The following NCOR2 variants were observed in gnomAD, a reference collection of about 807,000 sequenced individuals.
NCOR2 encodes the protein nuclear receptor corepressor 2.
NCOR2 carries 81 observed loss-of-function variants against 262.9 expected under a neutral mutation model. That is an observed-to-expected ratio of 0.31 (90% CI 0.26 to 0.37). NCOR2 has a LOEUF of 0.37. Among genes scored for constraint, NCOR2 ranks in the 10% least tolerant of loss-of-function variants. NCOR2 has a pLI of 1.00. For missense variants in NCOR2, 3,385 were observed against 3,621.4 expected (o/e 0.93, Z 1.68); for synonymous variants, 1,659 against 1,559.3 (o/e 1.06, Z -1.51).
chr12:124,481,691 G>A lies in NCOR2; in HGVS notation c.411+1905C>T, dbSNP rs141759434. Among the ~76,000 whole-genome samples the A allele has an allele frequency of 3.3e-3, 508 of 152,294 alleles. 1 individual carries two copies. Among genetic ancestry groups the A allele is most frequent in the African/African-American group, 0.01 (431 of 41,548 alleles). On this transcript the variant is annotated intron_variant, in intron 3 of 46. Coordinates refer to ENST00000405201, the Ensembl canonical transcript of NCOR2. This position sits in a 1 kb window ranked among gnomAD's most constrained non-coding sequence, Gnocchi z 4.6. ...AGGGAGATGAGGTCAGGGAGGTGAC[G>A]GGGCTGGATCACGCCGGACCTGCAG...
At chr12:124,325,420 T>C (rs1593051304) in exon 47 of NCOR2, 4 of 587,774 alleles carry the variant, frequency 6.8e-6, no homozygotes, top group Non-Finnish European at 9.1e-6. Context: ...TGTCGGAGAG[T>C]GTCTCGTACT....
At chr12:124,405,677 T>C (rs530647202) in intron 13 of NCOR2, among the ~76,000 whole-genome samples, 4 of 152,258 alleles carry the variant, frequency 2.6e-5, no homozygotes, top group East Asian at 1.9e-4. Context: ...GAGGGACTGA[T>C]TGAGGGCCGC....
At chr12:124,499,246 T>C (rs2048550492), upstream of NCOR2, among the ~76,000 whole-genome samples, 3 of 152,216 alleles carry the variant, frequency 2.0e-5, no homozygotes, top group South Asian at 6.2e-4. Flanking sequence ...TGAGGATGGA[T>C]CCGGGCTGGA....
chr12:124,484,368 C>T (rs1026943734), intron 2 of NCOR2, among the ~76,000 whole-genome samples: 1 of 152,206 alleles, frequency 6.6e-6, no homozygotes, highest in Non-Finnish European at 1.5e-5. Context: ...CAGCGACTGG[C>T]TCTCCTGAAC....
At chr12:124,352,576 C>G (rs77478210) in intron 27 of NCOR2, among the ~76,000 whole-genome samples, 1 of 152,002 alleles carries the variant, frequency 6.6e-6, no homozygotes. Flanking sequence ...CTCTTTTTGT[C>G]CAGGCTGGTC....
At chr12:124,500,535 C>A (rs1337006754) in intron 1 of NCOR2, among the ~76,000 whole-genome samples, 2 of 152,224 alleles carry the variant, frequency 1.3e-5, no homozygotes, top group Admixed American at 6.5e-5. Flanking sequence ...ACCCAGAGCC[C>A]CTTCTGGTGC....
chr12:124,337,199 C>A lies in NCOR2; in HGVS notation c.5688-19G>T, dbSNP rs931763838. 3.2e-6 allele frequency: 5 copies of A among 1,545,810 alleles called. No homozygotes were observed. Among genetic ancestry groups the A allele is most frequent in the South Asian group, 1.2e-5 (1 of 83,630 alleles). On this transcript the variant is annotated intron_variant, in intron 37 of 46. Coordinates refer to ENST00000405201, the Ensembl canonical transcript of NCOR2. ...GGTGGACCTGGGGGAGGAGAGAAGGCGGTCAGGCAGTCATGGGAGCTGCCC... is the reference window on the plus strand; with the variant it reads ...GGTGGACCTGGGGGAGGAGAGAAGGAGGTCAGGCAGTCATGGGAGCTGCCC...
At chr12:124,347,561 A>T (rs923586152) in intron 30 of NCOR2, 3 of 455,876 alleles carry the variant, frequency 6.6e-6, no homozygotes, top group Non-Finnish European at 1.2e-5. Flanking sequence ...CACCTGGGTT[A>T]GTGCCAAGCA....
chr12:124,388,876 G>C (rs1268130639), intron 16 of NCOR2: 11 of 967,642 alleles, frequency 1.1e-5, no homozygotes, highest in Non-Finnish European at 1.0e-5. Context: ...GAGGGAGGGA[G>C]GGAGGGAGGG....
intron 20 of NCOR2, among the ~76,000 whole-genome samples, chr12:124,370,231 C>T (rs980037845): frequency 1.3e-5 from 2 of 152,368 alleles, no homozygotes; most frequent in Non-Finnish European, 2.9e-5. Context: ...CTCAGAAACC[C>T]GCAGGCCAGG....
exon 32 of NCOR2, chr12:124,344,886 G>A: frequency 6.3e-7 from 1 of 1,582,714 alleles, no homozygotes; most frequent in Non-Finnish European, 8.6e-7. Flanking sequence ...TGCCGATGAG[G>A]GAGCGTACGT....
intron 8 of NCOR2, among the ~76,000 whole-genome samples, chr12:124,433,886 ACACACACACACACG>A (rs1349113186): frequency 8.1e-6 from 1 of 123,434 alleles, no homozygotes; most frequent in African/African-American, 4.1e-5. Flanking sequence ...ACACACACAC[ACACACACACACACG>A]CACACACACA....
At chr12:124,402,371 C>T (rs1387408857) in intron 14 of NCOR2, 33 bp downstream of exon 16, 1 of 1,611,146 alleles carries the variant, frequency 6.2e-7, no homozygotes, top group Non-Finnish European at 8.5e-7. Context: ...GGGTCAGCGG[C>T]CGGGCCCTGC....
At chr12:124,386,384 G>C (rs767833005) in intron 16 of NCOR2, among the ~76,000 whole-genome samples, 1 of 152,094 alleles carries the variant, frequency 6.6e-6, no homozygotes, top group Non-Finnish European at 1.5e-5. Flanking sequence ...AGGAAGGGAC[G>C]TGGTGAGCAG....
At chr12:124,340,654 G>A (rs745780396) in exon 35 of NCOR2, 135 of 1,501,924 alleles carry the variant, frequency 9.0e-5, no homozygotes, top group Non-Finnish European at 1.1e-4. Flanking sequence ...GGGGCGCGGT[G>A]GGGAGGTAGG....
chr12:124,348,182 C>T (rs2037108491), exon 29 of NCOR2: 1 of 1,611,284 alleles, frequency 6.2e-7, no homozygotes, highest in Non-Finnish European at 8.5e-7. Flanking sequence ...ACCTTCGATG[C>T]TGGCTGAGGA....
chr12:124,378,986 G>A lies in NCOR2; in HGVS notation c.2020-602C>T, dbSNP rs189046305. Among the ~76,000 whole-genome samples the A allele has an allele frequency of 4.4e-5, 1 of 22,912 alleles. No individual in the cohort carries two copies. The highest frequency in any genetic ancestry group is 3.2e-4 in the East Asian group (1 of 3,126). The allele number at this position is 22,912 out of a possible 152,430, so 15.0% of individuals were successfully genotyped here. On this transcript the variant is annotated intron_variant, in intron 17 of 46. Coordinates refer to ENST00000405201, the Ensembl canonical transcript of NCOR2. This position sits in a 1 kb window ranked among gnomAD's most constrained non-coding sequence, Gnocchi z 4.2. ...GCTCCTCACACAGAAGCAGCACTCA[G>A]AGGATCAGAGGGTCGCGTGGGTGAA...
intron 8 of NCOR2, 36 bp downstream of exon 10, chr12:124,437,894 C>G (rs1051833018): frequency 3.1e-6 from 5 of 1,594,462 alleles, no homozygotes; most frequent in Non-Finnish European, 4.3e-6. Context: ...CCCCAGATCT[C>G]AAGGAAAGCT....
At chr12:124,364,884 C>G (rs562315290) in intron 20 of NCOR2, among the ~76,000 whole-genome samples, 15 of 152,226 alleles carry the variant, frequency 9.9e-5, no homozygotes, top group African/African-American at 3.4e-4. Flanking sequence ...GGCAGCCCGG[C>G]CTGCATTTGG....
Sources: allele counts gnomAD v4.1 joint callset (sites outside exome capture counted in the v4.1 genomes callset), GRCh38; gene constraint gnomAD v4.1.1; non-coding constraint Gnocchi (gnomAD v3.1); transcripts MANE v1.5; gene names NCBI Gene and HGNC (gene_info 2026-07-23, HGNC 2026-07-21).